BRINP3: variants seen among roughly 807,000 people sequenced by gnomAD.
The protein encoded by BRINP3 is BMP/retinoic acid-inducible neural-specific protein 3.
Under a neutral mutation model 71.0 loss-of-function variants are expected in BRINP3, and 19 were observed. That is an observed-to-expected ratio of 0.27 (90% CI 0.19 to 0.39). The LOEUF is 0.39. BRINP3 is among the 10% of genes least tolerant of loss of function. The pLI is 1.00. For missense variants in BRINP3, 959 were observed against 940.8 expected, an observed-to-expected ratio of 1.02 and a Z score of -0.25; for synonymous variants, 380 against 337.7, an observed-to-expected ratio of 1.13 and a Z score of -1.37.
chr1:190,127,521 C>A (rs1339734236), intron 7 of BRINP3, among the ~76,000 whole-genome samples: 1 of 151,780 alleles, frequency 6.6e-6, no homozygotes, highest in African/African-American at 2.4e-5. Context: ...TACAGACTTT[C>A]TAAAAGTTAC....
intron 4 of BRINP3, among the ~76,000 whole-genome samples, chr1:190,257,573 T>C (rs1660781883): frequency 1.3e-5 from 2 of 152,332 alleles, no homozygotes; most frequent in South Asian, 4.1e-4. Flanking sequence ...TTTTCATAAT[T>C]TACAGCTTTT....
chr1:190,203,674 CCTAA>C (rs1655212684), intron 6 of BRINP3, among the ~76,000 whole-genome samples: 1 of 144,022 alleles, frequency 6.9e-6, no homozygotes, highest in African/African-American at 2.5e-5. Flanking sequence ...AGGAGATTTC[CCTAA>C]TAGTAAATAC....
intron 7 of BRINP3, among the ~76,000 whole-genome samples, chr1:190,127,836 G>A (rs1654215490): frequency 6.6e-6 from 1 of 151,728 alleles, no homozygotes; most frequent in Admixed American, 6.6e-5. Context: ...GAGAGTGAGT[G>A]AATGATGAAC....
At chr1:190,257,784 T>C (rs1558117443) in intron 4 of BRINP3, among the ~76,000 whole-genome samples, 1 of 152,192 alleles carries the variant, frequency 6.6e-6, no homozygotes, top group Non-Finnish European at 1.5e-5. Context: ...CTCCAGACCC[T>C]GTTTGCCTGG....
rs115136995 is a variant in BRINP3 at position 190,363,368 on chromosome 1, G to A, written c.237-81618C>T. On this transcript the variant is annotated intron_variant, in intron 2 of 7. Transcript: ENST00000367462. Reference sequence around the variant, plus strand: ...TCACCCCTGCCCAAACTCCTGACACGCAGAAATAGTGTTTGTTGTTTTAGG... The same window carrying A: ...TCACCCCTGCCCAAACTCCTGACACACAGAAATAGTGTTTGTTGTTTTAGG... 8.7e-3 allele frequency among the ~76,000 whole-genome samples: 1,331 copies of A among 152,212 alleles called. 13 individuals carry two copies. Among genetic ancestry groups the A allele is most frequent in the African/African-American group, 0.029 (1,217 of 41,528 alleles).
In BRINP3 at chr1:190,426,763, T is replaced by TTTAA. The variant is rs143736964; in HGVS notation, c.236+27888_236+27891dup. ...CAATTATGCCTATGAATACCAATTA[T>TTTAA]TTAATTAATTAATTAAAAATTAGAC... On this transcript the variant is annotated intron_variant, in intron 2 of 7. Coordinates refer to ENST00000367462, the MANE Select transcript of BRINP3 (RefSeq NM_199051.3). 9.6e-4 allele frequency among the ~76,000 whole-genome samples: 146 copies of TTTAA among 152,038 alleles called. 1 individual carries two copies. The East Asian group carries it at 0.027, about 28-fold the overall frequency.
chr1:190,309,141 G>A (rs1665336706), intron 2 of BRINP3, among the ~76,000 whole-genome samples: 1 of 151,670 alleles, frequency 6.6e-6, no homozygotes, highest in Admixed American at 6.6e-5. Context: ...TCATACTACG[G>A]CATGTGTGAA....
At chr1:190,160,632 T>C in intron 7 of BRINP3, 36 bp downstream of exon 7, 1 of 1,569,512 alleles carries the variant, frequency 6.4e-7, no homozygotes, top group African/African-American at 1.4e-5. Flanking sequence ...TTTTCGGCAA[T>C]AAACTTAATT....
At chr1:190,192,443 G>GA (rs1232285477) in intron 6 of BRINP3, among the ~76,000 whole-genome samples, 1 of 151,098 alleles carries the variant, frequency 6.6e-6, no homozygotes, top group East Asian at 1.9e-4. Flanking sequence ...AAATGTAATC[G>GA]AAAAAATTAA....
intron 2 of BRINP3, among the ~76,000 whole-genome samples, chr1:190,414,067 T>A (rs2102423163): frequency 6.6e-6 from 1 of 152,256 alleles, no homozygotes; most frequent in East Asian, 1.9e-4. Flanking sequence ...GGCTCAGGCA[T>A]GAGCCACCCT....
At chr1:190,243,338 A>G (rs1454776748) in intron 4 of BRINP3, among the ~76,000 whole-genome samples, 1 of 152,004 alleles carries the variant, frequency 6.6e-6, no homozygotes. Context: ...TGTTATTTTG[A>G]CTTTTTTTTT....
intron 7 of BRINP3, among the ~76,000 whole-genome samples, chr1:190,108,062 AGTT>A (rs1010451314): frequency 1.3e-5 from 2 of 151,798 alleles, no homozygotes; most frequent in African/African-American, 4.9e-5. Context: ...GGAGCTGAAT[AGTT>A]GTCAGAAACT....
At chr1:190,158,344 T>G (rs979623276) in intron 7 of BRINP3, among the ~76,000 whole-genome samples, 2 of 152,062 alleles carry the variant, frequency 1.3e-5, no homozygotes, top group African/African-American at 4.8e-5. Context: ...ATTAAACCTC[T>G]TTTTCTTCCC....
At chr1:190,449,441 C>T (rs1306036274) in intron 2 of BRINP3, among the ~76,000 whole-genome samples, 2 of 151,906 alleles carry the variant, frequency 1.3e-5, no homozygotes. Flanking sequence ...ATATTTATTT[C>T]TTTCGTTTAG....
At chr1:190,444,239 C>CAAAAAAAAAAAAAAAAAAAAAAAA (rs764014934) in intron 2 of BRINP3, among the ~76,000 whole-genome samples, 1 of 56,310 alleles carries the variant, frequency 1.8e-5, no homozygotes, top group Non-Finnish European at 3.1e-5. Context: ...AACTCCGTCT[C>CAAAAAAAAAAAAAAAAAAAAAAAA]AAAAAAAAAA....
intron 1 of BRINP3, among the ~76,000 whole-genome samples, chr1:190,475,542 G>A (rs1677440010): frequency 6.6e-6 from 1 of 152,126 alleles, no homozygotes; most frequent in African/African-American, 2.4e-5. Flanking sequence ...TACACGCATG[G>A]GTTATTCCCA....
At chr1:190,287,784 G>A (rs1261699351) in intron 2 of BRINP3, among the ~76,000 whole-genome samples, 1 of 152,088 alleles carries the variant, frequency 6.6e-6, no homozygotes, top group Non-Finnish European at 1.5e-5. Flanking sequence ...GGGCTATTGA[G>A]AAATTTTTAA....
Position 190,244,312 on chromosome 1 carries a change from CT to C in BRINP3, c.619-9836del, listed in dbSNP as rs1321353438. Among the ~76,000 whole-genome samples, 27 of 152,134 alleles carry C rather than the reference CT, an allele frequency of 1.8e-4. 1 individual carries two copies. The highest frequency in any genetic ancestry group is 3.1e-4 in the Non-Finnish European group (21 of 67,978). ...AAGCAAAATGTCACACTAAACAGAA[CT>C]ACTCCCTTTATTAATTCCTACTTCC... On this transcript the variant is annotated intron_variant, in intron 4 of 7. Transcript: ENST00000367462.
Position 190,199,779 on chromosome 1 carries a change from A to AAC in BRINP3, c.961+26302_961+26303insGT, listed in dbSNP as rs1553258128. Among the ~76,000 whole-genome samples, 706 of 150,636 alleles carry AAC rather than the reference A, an allele frequency of 4.7e-3. 2 individuals carry two copies. Among genetic ancestry groups the AAC allele is most frequent in the Middle Eastern group, 0.01 (3 of 288 alleles). ...TTCTTGTCAAGGCATAGGAAAAAAA[A>AAC]AAAAACAAAAACAAAAACAAACAAA... On this transcript the variant is annotated intron_variant, in intron 6 of 7. Transcript: ENST00000367462.
Sources: allele counts gnomAD v4.1 joint callset (sites outside exome capture counted in the v4.1 genomes callset), GRCh38; gene constraint gnomAD v4.1.1; transcripts MANE v1.5; gene names NCBI Gene and HGNC (gene_info 2026-07-23, HGNC 2026-07-21).